Variants in SYT1 observed in about 807,000 individuals in gnomAD.
The protein encoded by SYT1 is synaptotagmin 1, also known as synaptotagmin-1.
A neutral mutation model predicts 44.8 loss-of-function variants in SYT1; 8 were observed. That is an observed-to-expected ratio of 0.18 (90% CI 0.10 to 0.32). The LOEUF (loss-of-function observed/expected upper bound fraction) is 0.32, where lower values mean the gene tolerates loss of function less well. Among genes scored for constraint, SYT1 ranks in the 10% least tolerant of loss-of-function variants. The pLI is 1.00. For missense variants in SYT1, 286 were observed against 509.3 expected (o/e 0.56, Z 4.22); for synonymous variants, 154 against 188.8 (o/e 0.82, Z 1.51).
intron 4 of SYT1, among the ~76,000 whole-genome samples, chr12:79,269,354 T>C (rs1386355002): frequency 6.6e-6 from 1 of 152,150 alleles, no homozygotes; most frequent in Non-Finnish European, 1.5e-5. Context: ...TGTGCTTAAC[T>C]GTATTGCCTC....
chr12:79,098,122 CATTTT>C (rs901057841), intron 3 of SYT1, among the ~76,000 whole-genome samples: 2 of 152,002 alleles, frequency 1.3e-5, no homozygotes, highest in East Asian at 1.9e-4. Context: ...TTCTTCATTT[CATTTT>C]ATTTTTCAAT....
intron 3 of SYT1, among the ~76,000 whole-genome samples, chr12:79,056,500 A>C (rs903340796): frequency 1.3e-5 from 2 of 152,070 alleles, no homozygotes; most frequent in African/African-American, 4.8e-5. Context: ...CTGAATCAGT[A>C]TGCATCACGA....
At chr12:79,312,908 C>G (rs1880882082) in intron 8 of SYT1, among the ~76,000 whole-genome samples, 2 of 151,812 alleles carry the variant, frequency 1.3e-5, no homozygotes, top group Non-Finnish European at 2.9e-5. Flanking sequence ...TTGCATATGA[C>G]TGCTGCTACA....
At chr12:79,434,150 T>G (rs1313279674) in intron 9 of SYT1, among the ~76,000 whole-genome samples, 6 of 152,242 alleles carry the variant, frequency 3.9e-5, no homozygotes, top group Non-Finnish European at 2.9e-5. Context: ...CTGCCACCAT[T>G]AATGAACTAA....
intron 1 of SYT1, among the ~76,000 whole-genome samples, chr12:78,917,044 A>G (rs1248653119): frequency 6.6e-6 from 1 of 152,004 alleles, no homozygotes; most frequent in African/African-American, 2.4e-5. Context: ...CTACCACTTC[A>G]GCCACCCAAG....
At chr12:79,435,042 T>A (rs1284437564) in intron 9 of SYT1, among the ~76,000 whole-genome samples, 1 of 152,148 alleles carries the variant, frequency 6.6e-6, no homozygotes, top group East Asian at 1.9e-4. Flanking sequence ...AATAAGCATT[T>A]CATCTATGTT....
intron 3 of SYT1, among the ~76,000 whole-genome samples, chr12:79,173,349 G>A (rs1209114290): frequency 6.6e-6 from 1 of 152,018 alleles, no homozygotes; most frequent in East Asian, 1.9e-4. Context: ...TAAATGTCCT[G>A]GACTAAGCGT....
chr12:79,276,118 G>A (rs1351600276), intron 4 of SYT1, among the ~76,000 whole-genome samples: 2 of 149,234 alleles, frequency 1.3e-5, no homozygotes, highest in Non-Finnish European at 3.0e-5. Flanking sequence ...GAAAGAACCA[G>A]AAAAATGATT....
At chr12:78,907,093 G>C (rs533597926) in intron 1 of SYT1, among the ~76,000 whole-genome samples, 29 of 152,022 alleles carry the variant, frequency 1.9e-4, no homozygotes, top group Non-Finnish European at 2.6e-4. Flanking sequence ...TCTTGTTTGG[G>C]TTTGTGGTAG....
intron 3 of SYT1, among the ~76,000 whole-genome samples, chr12:79,164,021 A>G (rs1373213689): frequency 2.0e-5 from 3 of 152,040 alleles, no homozygotes; most frequent in African/African-American, 4.8e-5. Context: ...CCACCATGAC[A>G]CAGATAATTG....
chr12:79,245,245 C>T (rs2138668882), intron 4 of SYT1, among the ~76,000 whole-genome samples: 1 of 149,036 alleles, frequency 6.7e-6, no homozygotes, highest in African/African-American at 2.5e-5. Context: ...GCGGGCGGAT[C>T]ACGAGGTGAG....
At chr12:79,033,829 T>C (rs1413361916) in intron 2 of SYT1, among the ~76,000 whole-genome samples, 2 of 151,502 alleles carry the variant, frequency 1.3e-5, no homozygotes, top group Non-Finnish European at 3.0e-5. Context: ...CAAGTCTCCA[T>C]ATAACATATC....
At chr12:78,915,536 A>C (rs947958423) in intron 1 of SYT1, among the ~76,000 whole-genome samples, 1 of 152,064 alleles carries the variant, frequency 6.6e-6, no homozygotes, top group Non-Finnish European at 1.5e-5. Context: ...GATAATTTCC[A>C]CTATTTGAAT....
intron 3 of SYT1, among the ~76,000 whole-genome samples, chr12:79,132,601 G>A (rs1025494893): frequency 6.9e-6 from 1 of 144,938 alleles, no homozygotes; most frequent in East Asian, 2.2e-4. Context: ...TGGTGAGGAT[G>A]TGGAACTCTC....
intron 3 of SYT1, among the ~76,000 whole-genome samples, chr12:79,053,088 C>T (rs1207077997): frequency 4.6e-5 from 7 of 152,080 alleles, no homozygotes; most frequent in Non-Finnish European, 8.8e-5. Flanking sequence ...TTCACAATAG[C>T]AAAGACTTGG....
chr12:79,046,583 T>A (rs1415510495), intron 2 of SYT1: 1 of 152,088 alleles, frequency 6.6e-6, no homozygotes, highest in African/African-American at 2.4e-5. Context: ...GTTTAATTTT[T>A]TTACTCTTTA....
At position 79,208,922 on chromosome 12, in the gene SYT1, T is replaced by C. The variant is rs1489413470; in HGVS notation, c.-17-8581T>C. On this transcript the variant is annotated intron_variant, in intron 3 of 10. Coordinates refer to ENST00000261205, the MANE Select transcript of SYT1 (RefSeq NM_005639.3). ...TTAAAAAAAAATCTCCCTACACCTC[T>C]GAGGAAATTTTTGTGACTTGTTGAA... is the stretch of plus-strand genomic sequence containing the variant. Among the ~76,000 whole-genome samples the C allele has an allele frequency of 4.6e-5, 7 of 152,290 alleles. 1 individual carries two copies. The highest frequency in any genetic ancestry group is 1.4e-4 in the African/African-American group (6 of 41,570).
chr12:78,912,903 C>A (rs574816203), intron 1 of SYT1, among the ~76,000 whole-genome samples: 7 of 151,788 alleles, frequency 4.6e-5, no homozygotes, highest in African/African-American at 1.4e-4. Flanking sequence ...GTGAAAATGT[C>A]CATTGATTGA....
chr12:79,308,636 G>GA (rs1038752208), intron 8 of SYT1, among the ~76,000 whole-genome samples: 1 of 149,356 alleles, frequency 6.7e-6, no homozygotes, highest in Non-Finnish European at 1.5e-5. Flanking sequence ...AAGAAAGAAA[G>GA]AAAGAAAGAA....
Sources: gnomAD v4.1 joint callset for allele counts (sites outside exome capture counted in the v4.1 genomes callset) on GRCh38, gnomAD v4.1.1 for gene constraint, MANE v1.5 for transcripts, NCBI Gene and HGNC (gene_info 2026-07-23, HGNC 2026-07-21) for gene names.